Variants in WDR62 observed in about 807,000 individuals in gnomAD.
The protein encoded by WDR62 is WD repeat domain 62.
A neutral mutation model predicts 160.6 loss-of-function variants in WDR62; 112 were observed. The observed-to-expected ratio is 0.70, with a 90% confidence interval of 0.60 to 0.82. The LOEUF (loss-of-function observed/expected upper bound fraction) is 0.82. WDR62 is among the 40% of genes least tolerant of loss of function. The pLI is 0.00. For synonymous variants in WDR62, 792 were observed against 815.1 expected (o/e 0.97, Z 0.48); for missense variants, 1,819 against 1,983.8 (o/e 0.92, Z 1.58).
At chr19:36,058,549 C>T (rs1970480909) in intron 1 of WDR62, among the ~76,000 whole-genome samples, 1 of 152,222 alleles carries the variant, frequency 6.6e-6, no homozygotes, top group African/African-American at 2.4e-5. Flanking sequence ...AGAATGTGAG[C>T]CCCCCGAGGG....
chr19:36,060,373 C>T (rs775151286), intron 3 of WDR62: 19 of 317,886 alleles, frequency 6.0e-5, no homozygotes, highest in African/African-American at 1.0e-4. Flanking sequence ...GCTCAGGGAA[C>T]GCTGCCTTGA....
At chr19:36,074,705 A>G (rs892815581) in intron 9 of WDR62, among the ~76,000 whole-genome samples, 1 of 152,188 alleles carries the variant, frequency 6.6e-6, no homozygotes. Context: ...GTCTGCCTTC[A>G]TGGGGCTGAC....
At chr19:36,085,413 C>CTTTTTTTTTTT (rs1568349717) in intron 12 of WDR62, among the ~76,000 whole-genome samples, 2 of 47,214 alleles carry the variant, frequency 4.2e-5, no homozygotes, top group African/African-American at 1.3e-4. Context: ...CCACACCTGA[C>CTTTTTTTTTTT]CTTTTTTTTT....
At chr19:36,057,563 G>A (rs1042617444) in intron 1 of WDR62, among the ~76,000 whole-genome samples, 4 of 151,136 alleles carry the variant, frequency 2.6e-5, no homozygotes, top group African/African-American at 7.3e-5. Context: ...CGCCCAGGAT[G>A]GAGTGCAATG....
At chr19:36,067,237 G>T in intron 5 of WDR62, 69 bp from the exon 6 acceptor site, 2 of 1,608,242 alleles carry the variant, frequency 1.2e-6, no homozygotes, top group Non-Finnish European at 1.7e-6. Context: ...GTTCCAGCCT[G>T]AGGGCAAAGG....
rs147875659 is a variant in WDR62, at chr19:36,084,678, G to C, written c.1576G>C (p.Glu526Gln). Residue 526 changes from glutamate to glutamine, a missense_variant, in exon 12 of 32, where the codon GAG (glutamate) becomes CAG (glutamine). Glu to Gln is a conservative substitution (Grantham distance 29). Transcript: ENST00000401500. Reference protein sequence around the residue: ...LRIHELHFMDELVKVEAHDAE... With the variant: ...LRIHELHFMDQLVKVEAHDAE... The stretch of plus-strand genomic sequence containing the variant: ...GATCCACGAGCTGCACTTCATGGAC[G>C]AGCTGGTCAAGGTGGAGGCCCATGA... 2 of 1,613,778 alleles carry C rather than the reference G, an allele frequency of 1.2e-6. No homozygotes were observed. The highest frequency in any genetic ancestry group is 3.3e-5 in the Admixed American group (2 of 59,980).
Position 36,058,118 on chromosome 19 carries a change from G to A in WDR62, c.178-662G>A, listed in dbSNP as rs186677208. On this transcript the variant is annotated intron_variant, in intron 1 of 31. Coordinates refer to ENST00000401500, the MANE Select transcript of WDR62 (RefSeq NM_001083961.2). ...TGTAATCCTAGCACTTTGGGAGGCC[G>A]AGGCGGGTGTATCACCTGAGGTCAG... Among the ~76,000 whole-genome samples the A allele has an allele frequency of 3.7e-3, 568 of 152,286 alleles. 2 individuals are homozygous for A. Among genetic ancestry groups the A allele is most frequent in the Middle Eastern group, 6.8e-3 (2 of 294 alleles).
chr19:36,088,251 G>C (rs552489305), intron 13 of WDR62, among the ~76,000 whole-genome samples: 1 of 152,018 alleles, frequency 6.6e-6, no homozygotes, highest in Admixed American at 6.6e-5. Context: ...GAGACGGCCG[G>C]GGGCATCTCA....
chr19:36,084,180 A>G (rs145207485), intron 11 of WDR62, among the ~76,000 whole-genome samples: 4 of 152,274 alleles, frequency 2.6e-5, no homozygotes, highest in Non-Finnish European at 5.9e-5. Flanking sequence ...GGTAGAATGA[A>G]GAAGCTGGGA....
At chr19:36,068,154 C>A in intron 7 of WDR62, 144 bp downstream of exon 7, 1 of 1,082,856 alleles carries the variant, frequency 9.2e-7, no homozygotes, top group Non-Finnish European at 1.4e-6. Flanking sequence ...TAAGGTTCCA[C>A]ATCTGTAAAA....
chr19:36,089,909 G>A (rs1189925873), intron 15 of WDR62, among the ~76,000 whole-genome samples: 1 of 152,204 alleles, frequency 6.6e-6, no homozygotes. Flanking sequence ...AACTGGGCTG[G>A]ATGGTGCTGG....
At position 36,065,974 on chromosome 19, in the gene WDR62, C is replaced by G. The variant is rs1599757298; in HGVS notation, c.349C>G (p.Leu117Val). 1 of 1,614,196 alleles carries G rather than the reference C, an allele frequency of 6.2e-7. No homozygotes were observed. The highest frequency in any genetic ancestry group is 8.5e-7 in the Non-Finnish European group (1 of 1,180,038). ...TATCCCCAGGAAGTCTCTCAGTGCT[C>G]TGGCCTTCTCCCCTGATGGGAAGTA... is the stretch of plus-strand genomic sequence containing the variant. ...FNTARKSLSA[L>V]AFSPDGKYIV... Residue 117 changes from leucine to valine, a missense_variant, in exon 4 of 32, where the codon CTG becomes GTG. Leu to Val is a conservative substitution (Grantham distance 32). This residue lies in a region of WDR62 where 934 missense variants were observed against 1,157.2 expected (regional missense o/e 0.81). Transcript: ENST00000401500.
intron 1 of WDR62, among the ~76,000 whole-genome samples, chr19:36,058,457 T>C (rs1970476533): frequency 6.6e-6 from 1 of 152,242 alleles, no homozygotes; most frequent in Non-Finnish European, 1.5e-5. Context: ...TGCTTTCTTC[T>C]CTCTTGCACC....
intron 9 of WDR62, among the ~76,000 whole-genome samples, chr19:36,078,833 C>CAAAA (rs748116998): frequency 4.6e-5 from 3 of 65,350 alleles, no homozygotes; most frequent in African/African-American, 1.5e-4. Flanking sequence ...GAGACTCTGT[C>CAAAA]AAAAAAAAAA....
At position 36,086,540 on chromosome 19, in the gene WDR62, C is replaced by T; in HGVS notation, c.1643-147C>T. ...GACCACACAGAGCTAAGGGAGTGGC[C>T]CTTGCCAGGCTTGGGCCAAGTTGGC... On this transcript the variant is annotated intron_variant, in intron 12 of 31. Coordinates refer to ENST00000401500, the MANE Select transcript of WDR62 (RefSeq NM_001083961.2). 11 of 993,376 alleles carry T rather than the reference C, an allele frequency of 1.1e-5. No individual in the cohort carries two copies. In the South Asian group the frequency reaches 1.3e-4, roughly 12 times the overall value. The allele number at this position is 993,376 out of a possible 1,614,324, so 61.5% of individuals were successfully genotyped here. A position where few individuals can be genotyped will look rare whatever the true frequency, so the allele number is the denominator to read the frequency against.
chr19:36,100,676 C>G, intron 22 of WDR62, 72 bp from the exon 23 acceptor site: 1 of 1,605,094 alleles, frequency 6.2e-7, no homozygotes, highest in Middle Eastern at 1.8e-4. Flanking sequence ...GGGCTGCTGG[C>G]ATGGTTCCTG....
intron 21 of WDR62, among the ~76,000 whole-genome samples, chr19:36,098,407 A>T (rs1973106989): frequency 6.6e-6 from 1 of 152,104 alleles, no homozygotes; most frequent in Non-Finnish European, 1.5e-5. Context: ...TCTACTAAAA[A>T]TACAAAAATT....
chr19:36,083,885 G>C (rs997872571), intron 11 of WDR62, among the ~76,000 whole-genome samples: 1 of 152,308 alleles, frequency 6.6e-6, no homozygotes, highest in Non-Finnish European at 1.5e-5. Flanking sequence ...GTCAAGAAGA[G>C]CAGAAAGTGC....
intron 6 of WDR62, 91 bp downstream of exon 6, chr19:36,067,534 G>A: frequency 1.3e-6 from 2 of 1,585,060 alleles, no homozygotes; most frequent in Non-Finnish European, 1.7e-6. Context: ...AGATTTGAGG[G>A]CAGCGGTCTC....
Sources: allele counts gnomAD v4.1 joint callset (sites outside exome capture counted in the v4.1 genomes callset), GRCh38; gene constraint gnomAD v4.1.1; regional missense constraint gnomAD v4.1.1; transcripts MANE v1.5; gene names NCBI Gene and HGNC (gene_info 2026-07-23, HGNC 2026-07-21).